APC: variants seen among roughly 807,000 people sequenced by gnomAD.
APC encodes APC regulator of Wnt signaling pathway, also known as adenomatous polyposis coli protein.
Under a neutral mutation model 247.0 loss-of-function variants are expected in APC, and 72 were observed. The observed-to-expected ratio is 0.29, with a 90% CI of 0.24 to 0.35. The LOEUF (loss-of-function observed/expected upper bound fraction) is 0.35. Ranked by LOEUF, APC falls within the 10% of genes least tolerant of loss-of-function variation. APC has a pLI of 1.00. For synonymous variants in APC, 1,254 were observed against 1,162.5 expected (o/e 1.08, Z -1.60); for missense variants, 3,400 against 3,360.7 (o/e 1.01, Z -0.29).
Position 112,838,823 on chromosome 5 carries a change from G to T in APC, c.3229G>T (p.Val1077Phe). 6.2e-7 allele frequency: 1 copy of T among 1,614,166 alleles called. No homozygotes were observed. Among genetic ancestry groups the T allele is most frequent in the Non-Finnish European group, 8.5e-7 (1 of 1,180,032 alleles). ...AAGGAATCAAAGTACAACTTATCCT[G>T]TTTATACTGAGAGCACTGATGATAA... is the stretch of plus-strand genomic sequence containing the variant. ...QSRNQSTTYP[V>F]YTESTDDKHL... Residue 1077 changes from valine to phenylalanine, a missense_variant, in exon 16 of 16, where the codon GTT becomes TTT. Val to Phe is a conservative substitution (Grantham distance 50). Transcript: ENST00000257430.
chr5:112,788,227 C>T (rs371288143), intron 6 of APC, among the ~76,000 whole-genome samples: 2 of 152,086 alleles, frequency 1.3e-5, no homozygotes, highest in Non-Finnish European at 2.9e-5. Flanking sequence ...TTGGGTGAAT[C>T]GTTCTTTGTT....
chr5:112,752,672 G>A lies in APC; in HGVS notation c.-18-2201G>A, dbSNP rs971666645. On this transcript the variant is annotated intron_variant, in intron 1 of 15. Transcript: ENST00000257430. Reference sequence around the variant, plus strand: ...ATGCAATTCGTGTAATTGCAAAAAAGGCATTCCAAAGTAAATTTATGACTT... The same window carrying A: ...ATGCAATTCGTGTAATTGCAAAAAAAGCATTCCAAAGTAAATTTATGACTT... Among the ~76,000 whole-genome samples the A allele has an allele frequency of 2.0e-5, 3 of 152,198 alleles. No individual in the cohort carries two copies. The East Asian group carries it at 5.8e-4, about 29-fold the overall frequency.
intron 5 of APC, among the ~76,000 whole-genome samples, chr5:112,776,768 G>T (rs1459699116): frequency 1.3e-5 from 2 of 152,004 alleles, no homozygotes; most frequent in African/African-American, 4.8e-5. Flanking sequence ...TTGAACCTGG[G>T]AGGCAGAGGT....
rs1460397656 is a variant in APC, at chr5:112,839,318, C to A, written c.3724C>A (p.Gln1242Lys). The A allele has an allele frequency of 6.2e-7, 1 of 1,613,732 alleles. No individual in the cohort carries two copies. The highest frequency in any genetic ancestry group is 1.1e-5 in the South Asian group (1 of 91,008). ...AAGTTCTGCACAGAGTAGAAGTGGT[C>A]AGCCTCAAAAGGCTGCCACTTGCAA... ...HPSSAQSRSG[Q>K]PQKAATCKVS... The change falls in exon 16 of 16, where the codon CAG becomes AAG. Residue 1242 changes from glutamine to lysine, a missense_variant. Physicochemically the swap from Gln to Lys is moderately conservative, Grantham distance 53. This residue lies in a region of APC where 715 missense variants were observed against 656.6 expected (regional missense o/e 1.09). Coordinates refer to ENST00000257430, the MANE Select transcript of APC (RefSeq NM_000038.6). The surrounding 1 kb of genome is among the most constrained non-coding windows in gnomAD (Gnocchi z 5.0).
chr5:112,773,735 A>G (rs954150470), intron 4 of APC, among the ~76,000 whole-genome samples: 2 of 152,228 alleles, frequency 1.3e-5, no homozygotes, highest in African/African-American at 2.4e-5. Context: ...ACAAGTGTCA[A>G]GTTCAGAAAA....
At chr5:112,769,675 T>C (rs1308382161) in intron 4 of APC, among the ~76,000 whole-genome samples, 1 of 152,240 alleles carries the variant, frequency 6.6e-6, no homozygotes, top group Admixed American at 6.5e-5. Context: ...ATTAAATTTT[T>C]GTACCATTTT....
At chr5:112,794,237 T>C (rs1285339858) in intron 7 of APC, among the ~76,000 whole-genome samples, 1 of 152,052 alleles carries the variant, frequency 6.6e-6, no homozygotes, top group African/African-American at 2.4e-5. Context: ...TGTGCCACCA[T>C]GCCTGACTAA....
intron 1 of APC, among the ~76,000 whole-genome samples, chr5:112,748,839 T>C (rs1265777516): frequency 1.3e-5 from 2 of 151,864 alleles, no homozygotes; most frequent in African/African-American, 4.8e-5. Flanking sequence ...AAGAATGAGG[T>C]TTACAAAATT....
intron 1 of APC, among the ~76,000 whole-genome samples, chr5:112,711,778 A>T (rs557031422): frequency 2.0e-5 from 3 of 152,118 alleles, no homozygotes; most frequent in Non-Finnish European, 4.4e-5. Context: ...AAGTACATAG[A>T]TAGAAGTGGC....
At position 112,845,421 on chromosome 5, in the gene APC, G is replaced by A. The variant is rs553153111; in HGVS notation, c.*1295G>A. 4.3e-6 allele frequency: 1 copy of A among 233,206 alleles called. No homozygotes were observed. Among genetic ancestry groups the A allele is most frequent in the African/African-American group, 2.2e-5 (1 of 45,432 alleles). The allele number at this position is 233,206 out of a possible 1,614,324, so 14.4% of individuals were successfully genotyped here. The stretch of plus-strand genomic sequence containing the variant: ...ATTGCAGTCTCTTCGAGGCTTTACA[G>A]TGTAAACTGTCTTGCCCCTTCATCT... On this transcript the variant is annotated 3_prime_UTR_variant, in exon 16 of 16. Coordinates refer to ENST00000257430, the MANE Select transcript of APC (RefSeq NM_000038.6).
At chr5:112,793,945 G>A (rs1759922215) in intron 7 of APC, among the ~76,000 whole-genome samples, 1 of 151,808 alleles carries the variant, frequency 6.6e-6, no homozygotes, top group Non-Finnish European at 1.5e-5. Flanking sequence ...GAATGCAAAT[G>A]CCTTTACATT....
intron 4 of APC, among the ~76,000 whole-genome samples, chr5:112,775,295 A>G (rs1289329010): frequency 1.3e-5 from 2 of 152,004 alleles, no homozygotes; most frequent in East Asian, 3.9e-4. Context: ...TTATTCTTAT[A>G]TTAATTTTGA....
At chr5:112,766,131 T>C (rs182064101) in intron 2 of APC, among the ~76,000 whole-genome samples, 195 bp from the exon 3 acceptor site, 1 of 152,292 alleles carries the variant, frequency 6.6e-6, no homozygotes, top group African/African-American at 2.4e-5. Context: ...ATAATCACCA[T>C]TATCTCAAAA....
At chr5:112,809,028 A>T (rs1454623283) in intron 8 of APC, among the ~76,000 whole-genome samples, 1 of 152,138 alleles carries the variant, frequency 6.6e-6, no homozygotes, top group Admixed American at 6.6e-5. Context: ...TGTTAAGTTT[A>T]ACTTTAAAGA....
At chr5:112,836,716 C>CT (rs984099977) in intron 15 of APC, among the ~76,000 whole-genome samples, 87 of 151,222 alleles carry the variant, frequency 5.8e-4, no homozygotes, top group Middle Eastern at 6.8e-3. Context: ...TCTTTTTTTT[C>CT]TTTTTTTTGA....
chr5:112,776,662 A>T (rs1238255139), intron 5 of APC, among the ~76,000 whole-genome samples: 1 of 152,026 alleles, frequency 6.6e-6, no homozygotes, highest in Non-Finnish European at 1.5e-5. Flanking sequence ...ACATGGTGAA[A>T]CTCTGTCTCT....
intron 13 of APC, 74 bp downstream of exon 13, chr5:112,828,080 G>T: frequency 8.1e-7 from 1 of 1,233,486 alleles, no homozygotes; most frequent in Non-Finnish European, 1.2e-6. Flanking sequence ...TGTCACCCAG[G>T]CTTAGAGGGC....
intron 6 of APC, among the ~76,000 whole-genome samples, chr5:112,785,186 CA>C (rs1290132571): frequency 2.0e-5 from 3 of 152,058 alleles, no homozygotes; most frequent in Non-Finnish European, 4.4e-5. Flanking sequence ...GTAGAAAAAA[CA>C]AAATAAGTGT....
chr5:112,819,514 A>G (rs1036016029), intron 10 of APC, among the ~76,000 whole-genome samples, 170 bp downstream of exon 10: 3 of 152,226 alleles, frequency 2.0e-5, no homozygotes, highest in African/African-American at 7.2e-5. Context: ...TTCCCTAGAA[A>G]AATTTAGCAA....
Sources: gnomAD v4.1 joint callset for allele counts (sites outside exome capture counted in the v4.1 genomes callset) on GRCh38, gnomAD v4.1.1 for gene constraint, gnomAD v4.1.1 regional missense constraint, Gnocchi (gnomAD v3.1) non-coding constraint, MANE v1.5 for transcripts, NCBI Gene and HGNC (gene_info 2026-07-23, HGNC 2026-07-21) for gene names.